Variants in NAV2 observed in about 807,000 individuals in gnomAD.
NAV2 encodes the protein helicase, APC down-regulated 1.
A neutral mutation model predicts 223.2 loss-of-function variants in NAV2; 54 were observed. The ratio of observed to expected loss-of-function variants is 0.24; its 90% CI spans 0.19 to 0.30. The LOEUF (loss-of-function observed/expected upper bound fraction) is 0.30. NAV2 is among the 10% of genes least tolerant of loss of function. The probability of loss-of-function intolerance (pLI) is 1.00; values close to 1 mark genes in which losing one functional copy is unlikely to be tolerated. For missense variants in NAV2, 2,806 were observed against 3,147.5 expected (o/e 0.89, Z 2.60); for synonymous variants, 1,279 against 1,239.3 (o/e 1.03, Z -0.67).
At chr11:19,903,251 G>A (rs1477783492) in intron 6 of NAV2, among the ~76,000 whole-genome samples, 2 of 152,160 alleles carry the variant, frequency 1.3e-5, no homozygotes, top group Non-Finnish European at 2.9e-5. Context: ...TATCTACTTG[G>A]TGGTGAGAGT....
intron 1 of NAV2, among the ~76,000 whole-genome samples, chr11:19,623,088 T>C (rs186548380): frequency 1.6e-4 from 24 of 152,326 alleles, no homozygotes; most frequent in African/African-American, 5.3e-4. Context: ...TATTGAATAT[T>C]GGCCCCCACT....
At chr11:19,889,434 A>C (rs534897990) in intron 5 of NAV2, among the ~76,000 whole-genome samples, 1 of 152,314 alleles carries the variant, frequency 6.6e-6, no homozygotes, top group African/African-American at 2.4e-5. Flanking sequence ...GATTTGATCA[A>C]GTTCAGGGAG....
rs986793325 is a variant in NAV2, at chr11:19,713,401, G to A, written c.-295G>A. ...TTGCAAGAGGCGGCAGCCCCTGAGC[G>A]CCCAGAGCTCTTGAAAGGCCACCCA... On this transcript the variant is annotated 5_prime_UTR_variant, in exon 1 of 38. Coordinates refer to ENST00000349880, the MANE Select transcript of NAV2 (RefSeq NM_145117.5). The surrounding 1 kb of genome is among the most constrained non-coding windows in gnomAD (Gnocchi z 7.2). 8.2e-7 allele frequency: 1 copy of A among 1,213,148 alleles called. No individual in the cohort carries two copies. The highest frequency in any genetic ancestry group is 1.0e-6 in the Non-Finnish European group (1 of 976,868). 75.1% of individuals were successfully genotyped at this position (1,213,148 alleles called of 1,614,324 possible). A position where few individuals can be genotyped will look rare whatever the true frequency, so the allele number is the denominator to read the frequency against.
At chr11:19,614,183 G>A (rs903251737) in intron 1 of NAV2, among the ~76,000 whole-genome samples, 2 of 152,098 alleles carry the variant, frequency 1.3e-5, no homozygotes, top group African/African-American at 4.8e-5. Context: ...AGTTGATGTG[G>A]AAGCCCAGTC....
At chr11:19,957,720 C>T (rs2048000056) in intron 10 of NAV2, among the ~76,000 whole-genome samples, 1 of 152,180 alleles carries the variant, frequency 6.6e-6, no homozygotes, top group South Asian at 2.1e-4. Flanking sequence ...CCAGCACTCC[C>T]ATGCGCACTC....
At chr11:19,720,550 A>C (rs1207533861) in intron 1 of NAV2, among the ~76,000 whole-genome samples, 1 of 152,216 alleles carries the variant, frequency 6.6e-6, no homozygotes, top group South Asian at 2.1e-4. Context: ...GACAGAGGAT[A>C]GGGTAGAAAT....
At chr11:19,478,670 A>G (rs894540733) in intron 1 of NAV2, among the ~76,000 whole-genome samples, 2 of 152,212 alleles carry the variant, frequency 1.3e-5, no homozygotes, top group Non-Finnish European at 2.9e-5. Flanking sequence ...ACCAACCAAG[A>G]CAAAAGCCTT....
intron 8 of NAV2, among the ~76,000 whole-genome samples, chr11:19,940,327 G>A (rs2046307101): frequency 6.6e-6 from 1 of 152,080 alleles, no homozygotes; most frequent in South Asian, 2.1e-4. Flanking sequence ...CTGTATGACG[G>A]CATAAAATCC....
At chr11:19,731,441 A>G (rs2051763640) in intron 1 of NAV2, among the ~76,000 whole-genome samples, 1 of 152,266 alleles carries the variant, frequency 6.6e-6, no homozygotes, top group Non-Finnish European at 1.5e-5. Context: ...AGAATGAGAC[A>G]GATGTAGGCT....
intron 4 of NAV2, among the ~76,000 whole-genome samples, chr11:19,873,369 C>T (rs767339889): frequency 3.9e-5 from 6 of 152,046 alleles, no homozygotes; most frequent in African/African-American, 1.4e-4. Flanking sequence ...CATTTCCCCC[C>T]AGATTTCATG....
intron 11 of NAV2, among the ~76,000 whole-genome samples, chr11:20,029,607 T>C (rs2055497853): frequency 6.6e-6 from 1 of 152,222 alleles, no homozygotes. Flanking sequence ...CAGGGAAAAC[T>C]CTGAATTCTC....
At chr11:19,778,114 C>T (rs1262574608) in intron 1 of NAV2, 2 of 396,770 alleles carry the variant, frequency 5.0e-6, no homozygotes, top group Middle Eastern at 3.6e-4. Context: ...GCCTATCAGT[C>T]CCGGGAGAGC....
At chr11:19,886,477 T>C (rs1336442000) in intron 5 of NAV2, among the ~76,000 whole-genome samples, 2 of 152,210 alleles carry the variant, frequency 1.3e-5, no homozygotes, top group African/African-American at 4.8e-5. Context: ...GTGGCTGCTT[T>C]CCCTAACAAC....
At chr11:19,563,537 C>T (rs940631133) in intron 1 of NAV2, among the ~76,000 whole-genome samples, 14 of 152,264 alleles carry the variant, frequency 9.2e-5, no homozygotes, top group African/African-American at 3.1e-4. Context: ...TGGTGGGCTG[C>T]AGTAAATCTT....
intron 1 of NAV2, among the ~76,000 whole-genome samples, chr11:19,637,907 C>T (rs948965596): frequency 1.3e-5 from 2 of 152,210 alleles, no homozygotes; most frequent in Non-Finnish European, 2.9e-5. Flanking sequence ...CTCTTTATTT[C>T]CAGGTATCTT....
At chr11:19,473,244 CT>C (rs1256904168) in intron 1 of NAV2, among the ~76,000 whole-genome samples, 1 of 151,730 alleles carries the variant, frequency 6.6e-6, no homozygotes, top group African/African-American at 2.4e-5. Flanking sequence ...TGATCAAACC[CT>C]TATCTGCTGC....
intron 1 of NAV2, among the ~76,000 whole-genome samples, chr11:19,719,316 CTG>C (rs1170373920): frequency 5.3e-5 from 8 of 152,238 alleles, no homozygotes; most frequent in Admixed American, 3.3e-4. Flanking sequence ...GGAAAACGGT[CTG>C]TGCATTTTTT....
intron 1 of NAV2, among the ~76,000 whole-genome samples, chr11:19,791,003 C>G (rs1277352618): frequency 6.6e-6 from 1 of 151,914 alleles, no homozygotes; most frequent in Admixed American, 6.6e-5. Flanking sequence ...CACAACAGTC[C>G]CTGTGATGTA....
At chr11:19,607,115 C>T (rs544926555) in intron 1 of NAV2, among the ~76,000 whole-genome samples, 19 of 152,300 alleles carry the variant, frequency 1.2e-4, no homozygotes, top group Admixed American at 5.2e-4. Flanking sequence ...GTTACAGGGC[C>T]GCTCTCAGTT....
Sources: allele counts gnomAD v4.1 joint callset (sites outside exome capture counted in the v4.1 genomes callset), GRCh38; gene constraint gnomAD v4.1.1; non-coding constraint Gnocchi (gnomAD v3.1); transcripts MANE v1.5; gene names NCBI Gene and HGNC (gene_info 2026-07-23, HGNC 2026-07-21).